The following DNAL1 variants were observed in gnomAD, a reference collection of about 807,000 sequenced individuals.
DNAL1 encodes the protein dynein axonemal light chain 1.
In DNAL1, 17 loss-of-function variants were observed where a neutral mutation model predicts 29.4. The observed-to-expected ratio is 0.58, with a 90% confidence interval of 0.40 to 0.87. The LOEUF (loss-of-function observed/expected upper bound fraction) is 0.87, where lower values mean the gene tolerates loss of function less well. Ranked by LOEUF, DNAL1 falls within the 40% of genes least tolerant of loss-of-function variation. The probability of loss-of-function intolerance (pLI) is 0.00; values close to 1 mark genes in which losing one functional copy is unlikely to be tolerated. For synonymous variants in DNAL1, 78 were observed against 76.3 expected (o/e 1.02, Z -0.12); for missense variants, 188 against 214.1 (o/e 0.88, Z 0.76).
intron 5 of DNAL1, among the ~76,000 whole-genome samples, chr14:73,686,075 GT>G (rs1892014012): frequency 3.3e-5 from 5 of 152,144 alleles, no homozygotes; most frequent in Non-Finnish European, 7.4e-5. Flanking sequence ...CGTGTACAAG[GT>G]TCCAATTTCT....
intron 4 of DNAL1, among the ~76,000 whole-genome samples, chr14:73,663,118 A>G (rs1009688755): frequency 1.3e-5 from 2 of 152,060 alleles, no homozygotes; most frequent in East Asian, 3.9e-4. Context: ...TCATATGAAT[A>G]TGCATATCAA....
chr14:73,660,505 C>T (rs1455477566), intron 3 of DNAL1, among the ~76,000 whole-genome samples: 2 of 152,172 alleles, frequency 1.3e-5, no homozygotes, highest in Admixed American at 6.6e-5. Context: ...AGGAGATCAG[C>T]CCCATCCCAA....
At chr14:73,654,732 C>T in intron 1 of DNAL1, 115 bp from the exon 2 acceptor site, 1 of 973,798 alleles carries the variant, frequency 1.0e-6, no homozygotes. Context: ...GCACTCCAGC[C>T]TGGGTGACAG....
intron 5 of DNAL1, among the ~76,000 whole-genome samples, chr14:73,678,759 T>A (rs1435911531): frequency 1.3e-5 from 2 of 152,152 alleles, no homozygotes; most frequent in African/African-American, 2.4e-5. Flanking sequence ...ACAATCTAAG[T>A]GTCTATCAGC....
chr14:73,686,822 C>A (rs1892029014), intron 5 of DNAL1, among the ~76,000 whole-genome samples: 1 of 152,132 alleles, frequency 6.6e-6, no homozygotes, highest in African/African-American at 2.4e-5. Flanking sequence ...TTAGAAAAAG[C>A]CCTTAATCCC....
intron 4 of DNAL1, among the ~76,000 whole-genome samples, chr14:73,662,624 T>C (rs896741301): frequency 6.6e-6 from 1 of 152,172 alleles, no homozygotes; most frequent in African/African-American, 2.4e-5. Context: ...TGGTGGCTGC[T>C]GCATTCCTTG....
rs750381368 is a variant in DNAL1 at position 73,658,942 on chromosome 14, G to C, written c.138G>C (p.Met46Ile). 2 of 1,515,606 alleles carry C rather than the reference G, an allele frequency of 1.3e-6. No individual in the cohort carries two copies. The highest frequency in any genetic ancestry group is 2.1e-5 in the Admixed American group (1 of 47,742). 93.9% of individuals were successfully genotyped at this position (1,515,606 alleles called of 1,614,324 possible). A position where few individuals can be genotyped will look rare whatever the true frequency, so the allele number is the denominator to read the frequency against. Reference protein sequence around the residue: ...PIEKMDASLSMLANCEKLSLS... With the variant: ...PIEKMDASLSILANCEKLSLS... Reference sequence around the variant, plus strand: ...AGAAGATGGATGCATCCTTGTCCATGCTTGCTAATTGCGAGTAAGTTCTCT... The same window carrying C: ...AGAAGATGGATGCATCCTTGTCCATCCTTGCTAATTGCGAGTAAGTTCTCT... The change falls in exon 3 of 8, where the codon ATG becomes ATC. Residue 46 changes from methionine to isoleucine, a missense_variant. Coordinates refer to ENST00000553645, the MANE Select transcript of DNAL1 (RefSeq NM_031427.4).
At chr14:73,671,926 A>G (rs1205445683) in intron 5 of DNAL1, among the ~76,000 whole-genome samples, 4 of 152,226 alleles carry the variant, frequency 2.6e-5, no homozygotes, top group Admixed American at 6.5e-5. Context: ...AATTTCAGGA[A>G]AGATGAAGTG....
chr14:73,653,154 T>C (rs1468567819), intron 1 of DNAL1: 2 of 152,214 alleles, frequency 1.3e-5, no homozygotes, highest in Non-Finnish European at 2.9e-5. Context: ...CATTCAGTTC[T>C]GGTTTGTTGA....
Position 73,687,372 on chromosome 14 carries a change from G to T in DNAL1, c.378G>T (p.Leu126=). 1 of 1,599,368 alleles carries T rather than the reference G, an allele frequency of 6.3e-7. No individual in the cohort carries two copies. Among genetic ancestry groups the T allele is most frequent in the Non-Finnish European group, 8.5e-7 (1 of 1,172,960 alleles). The change falls in exon 6 of 8, where the codon CTG becomes CTT. Residue 126 remains leucine, a synonymous_variant. Transcript: ENST00000553645. The stretch of plus-strand genomic sequence containing the variant: ...AGATTCTCTACATGTCTAATAACCT[G>T]GTAAAAGACTGGGGTAAGCTGAGAG... The part of the protein sequence containing the change: ...KLKILYMSNN[L]VKDWAEFVKL...
At chr14:73,675,706 C>T (rs1284321868) in intron 5 of DNAL1, among the ~76,000 whole-genome samples, 2 of 152,100 alleles carry the variant, frequency 1.3e-5, no homozygotes, top group Non-Finnish European at 2.9e-5. Flanking sequence ...TGTTTTATTA[C>T]AGTTACACAA....
intron 7 of DNAL1, among the ~76,000 whole-genome samples, chr14:73,692,724 G>A (rs1892204170): frequency 6.6e-6 from 1 of 151,998 alleles, no homozygotes; most frequent in Non-Finnish European, 1.5e-5. Flanking sequence ...ACAGCCCCTA[G>A]AAGAACACCT....
chr14:73,694,993 G>A (rs1423794773), intron 7 of DNAL1, among the ~76,000 whole-genome samples: 1 of 146,222 alleles, frequency 6.8e-6, no homozygotes, highest in Non-Finnish European at 1.5e-5. Flanking sequence ...CCGGCCCATA[G>A]AAAGCTTTTA....
At chr14:73,678,428 A>C (rs1891795239) in intron 5 of DNAL1, among the ~76,000 whole-genome samples, 1 of 151,860 alleles carries the variant, frequency 6.6e-6, no homozygotes, top group Non-Finnish European at 1.5e-5. Flanking sequence ...TCCAGCTCAC[A>C]AGTAGATGTT....
rs71112798 is a variant in DNAL1, at chr14:73,695,048, C to CTTTTTTTTT, written c.533-837_533-829dup. ...TATTTTTCTACTTGGTACTTGTTGG[C>CTTTTTTTTT]TTTTTTTTTTTTTTTTTTTTTTTTT... On this transcript the variant is annotated intron_variant, in intron 7 of 7. Transcript: ENST00000553645. Among the ~76,000 whole-genome samples the CTTTTTTTTT allele has an allele frequency of 3.3e-4, 20 of 60,870 alleles. 3 individuals carry two copies. Among genetic ancestry groups the CTTTTTTTTT allele is most frequent in the Admixed American group, 1.0e-3 (4 of 3,836 alleles). 39.9% of individuals were successfully genotyped at this position (60,870 alleles called of 152,430 possible).
intron 5 of DNAL1, among the ~76,000 whole-genome samples, chr14:73,684,062 G>A (rs1329984994): frequency 6.6e-6 from 1 of 152,142 alleles, no homozygotes; most frequent in Non-Finnish European, 1.5e-5. Context: ...GTCATTCTGT[G>A]TCTGATGTGT....
chr14:73,679,179 TAG>T (rs773318705), intron 5 of DNAL1, among the ~76,000 whole-genome samples: 9 of 152,044 alleles, frequency 5.9e-5, no homozygotes, highest in Non-Finnish European at 1.3e-4. Context: ...TTATTTTTAG[TAG>T]AGTCAGGGTT....
At chr14:73,647,654 CTTATTAG>C (rs906251869) in intron 1 of DNAL1, among the ~76,000 whole-genome samples, 1 of 152,122 alleles carries the variant, frequency 6.6e-6, no homozygotes, top group African/African-American at 2.4e-5. Context: ...GCCAGTTTTA[CTTATTAG>C]TTAAGTCCAT....
rs1353985799 is a variant in DNAL1, at chr14:73,701,123, A to G, written c.*5181A>G. ...AAACTTTTTACTTGATATTTGGAGAAGTCATTAACTGGATTCTAGTTAATT... is the reference window on the plus strand; with the variant it reads ...AAACTTTTTACTTGATATTTGGAGAGGTCATTAACTGGATTCTAGTTAATT... On this transcript the variant is annotated 3_prime_UTR_variant, in exon 8 of 8. Transcript: ENST00000553645. The G allele has an allele frequency of 6.6e-6, 1 of 152,252 alleles. No individual in the cohort carries two copies. Among genetic ancestry groups the G allele is most frequent in the African/African-American group, 2.4e-5 (1 of 41,472 alleles). 9.4% of individuals were successfully genotyped at this position (152,252 alleles called of 1,614,324 possible).
Sources: allele counts gnomAD v4.1 joint callset (sites outside exome capture counted in the v4.1 genomes callset), GRCh38; gene constraint gnomAD v4.1.1; transcripts MANE v1.5; gene names NCBI Gene and HGNC (gene_info 2026-07-23, HGNC 2026-07-21).